The following LDLRAD4 variants were observed in gnomAD, a reference collection of about 807,000 sequenced individuals.
LDLRAD4 encodes the protein low-density lipoprotein receptor class A domain-containing protein 4.
Under a neutral mutation model 17.0 loss-of-function variants are expected in LDLRAD4, and 5 were observed. The ratio of observed to expected loss-of-function variants is 0.29; its 90% CI spans 0.15 to 0.62. The LOEUF (loss-of-function observed/expected upper bound fraction) is 0.62. Ranked by LOEUF, LDLRAD4 falls within the 20% of genes least tolerant of loss-of-function variation. The pLI is 0.84. For synonymous variants in LDLRAD4, 168 were observed against 171.8 expected (o/e 0.98, Z 0.17); for missense variants, 340 against 424.7 (o/e 0.80, Z 1.75).
chr18:13,507,831 A>C (rs368831996), intron 3 of LDLRAD4, among the ~76,000 whole-genome samples: 20 of 152,244 alleles, frequency 1.3e-4, no homozygotes, highest in African/African-American at 4.8e-4. Flanking sequence ...TAATAACCCT[A>C]CCGTGGCCTC....
At chr18:13,394,346 C>A (rs1308254814) in intron 2 of LDLRAD4, among the ~76,000 whole-genome samples, 1 of 152,046 alleles carries the variant, frequency 6.6e-6, no homozygotes, top group Admixed American at 6.5e-5. Flanking sequence ...GTGGTAGTCT[C>A]ATGTCGAGAT....
chr18:13,377,200 G>A (rs1264061549), intron 1 of LDLRAD4, among the ~76,000 whole-genome samples: 2 of 152,194 alleles, frequency 1.3e-5, no homozygotes, highest in South Asian at 2.1e-4. Context: ...TAACATCAAC[G>A]CCAGAGCCAT....
chr18:13,226,180 C>CTTTTTTTTTTTTTTCTTTTTTTTTTTTT (rs2041785610), intron 1 of LDLRAD4, among the ~76,000 whole-genome samples: 1 of 52,188 alleles, frequency 1.9e-5, no homozygotes, highest in African/African-American at 7.8e-5. Context: ...CCATGCCTTG[C>CTTTTTTTTTTTTTTCTTTTTTTTTTTTT]TTTTTTTTTT....
intron 3 of LDLRAD4, chr18:13,612,275 A>T: frequency 2.0e-6 from 2 of 1,004,444 alleles, no homozygotes; most frequent in Non-Finnish European, 2.4e-6. Context: ...TGTGAGGCCA[A>T]ACCTGAGAAG....
At chr18:13,224,413 T>G (rs2041636921) in intron 1 of LDLRAD4, among the ~76,000 whole-genome samples, 1 of 151,954 alleles carries the variant, frequency 6.6e-6, no homozygotes, top group African/African-American at 2.4e-5. Flanking sequence ...CAGCTGTCTC[T>G]TCACTCGGAG....
chr18:13,292,551 G>A (rs1259499779), intron 1 of LDLRAD4, among the ~76,000 whole-genome samples: 1 of 152,188 alleles, frequency 6.6e-6, no homozygotes, highest in Non-Finnish European at 1.5e-5. Context: ...TGCCATTGGG[G>A]TGGGCTTTCT....
At chr18:13,319,825 A>G (rs543735240) in intron 1 of LDLRAD4, among the ~76,000 whole-genome samples, 50 of 152,330 alleles carry the variant, frequency 3.3e-4, no homozygotes, top group African/African-American at 1.2e-3. Context: ...TTTGAGGTCA[A>G]TATTTCCGGG....
chr18:13,576,434 AAAAAAAG>A (rs2094773415), intron 3 of LDLRAD4, among the ~76,000 whole-genome samples: 1 of 143,498 alleles, frequency 7.0e-6, no homozygotes, highest in Non-Finnish European at 1.6e-5. Context: ...AAAAAAAAAA[AAAAAAAG>A]AAAGAAAGAA....
intron 3 of LDLRAD4, among the ~76,000 whole-genome samples, chr18:13,506,519 T>C (rs927679471): frequency 5.9e-5 from 9 of 152,096 alleles, no homozygotes; most frequent in Non-Finnish European, 8.8e-5. Flanking sequence ...ATCACATACA[T>C]TTACCCCTGG....
chr18:13,549,524 G>C (rs1430248867), intron 3 of LDLRAD4, among the ~76,000 whole-genome samples: 2 of 151,888 alleles, frequency 1.3e-5, no homozygotes, highest in Non-Finnish European at 2.9e-5. Flanking sequence ...ATTTTAATGG[G>C]AGAACAGATC....
chr18:13,272,416 C>T (rs781564614), intron 1 of LDLRAD4, among the ~76,000 whole-genome samples: 12 of 152,238 alleles, frequency 7.9e-5, no homozygotes, highest in Non-Finnish European at 1.5e-4. Context: ...TGTTCGTTCC[C>T]GGCAAGCAAA....
chr18:13,303,494 C>G (rs555075666), intron 1 of LDLRAD4, among the ~76,000 whole-genome samples: 1 of 151,876 alleles, frequency 6.6e-6, no homozygotes, highest in Admixed American at 6.6e-5. Flanking sequence ...TCCTTTTCTC[C>G]TTCCTTCTTT....
intron 1 of LDLRAD4, among the ~76,000 whole-genome samples, chr18:13,256,438 C>G (rs2043508658): frequency 6.6e-6 from 1 of 152,204 alleles, no homozygotes. Flanking sequence ...CCCCATCCCC[C>G]CATCAAAATC....
At chr18:13,222,301 G>T (rs534771805) in intron 1 of LDLRAD4, among the ~76,000 whole-genome samples, 27 of 150,196 alleles carry the variant, frequency 1.8e-4, no homozygotes, top group African/African-American at 5.1e-4. Flanking sequence ...TTTGTTGTTG[G>T]TTTTTTTTTC....
At position 13,625,553 on chromosome 18, in the gene LDLRAD4, C is replaced by T. The variant is rs553095971; in HGVS notation, c.336+4282C>T. On this transcript the variant is annotated intron_variant, in intron 4 of 5. Coordinates refer to ENST00000359446, the Ensembl canonical transcript of LDLRAD4. ...CTTCTCTGCTTCTTGCGGAGAGTCC[C>T]GTTCTGAGAAGTGGTGACTGCCCCG... Among the ~76,000 whole-genome samples, 6 of 152,264 alleles carry T rather than the reference C, an allele frequency of 3.9e-5. No individual in the cohort carries two copies. In the South Asian group the frequency reaches 6.2e-4, roughly 16 times the overall value.
chr18:13,481,049 C>T (rs1387736556), intron 3 of LDLRAD4, among the ~76,000 whole-genome samples: 2 of 152,182 alleles, frequency 1.3e-5, no homozygotes, highest in African/African-American at 4.8e-5. Context: ...GTCCTAGGGA[C>T]GGACATGGGG....
intron 1 of LDLRAD4, among the ~76,000 whole-genome samples, chr18:13,239,157 A>T (rs1376965245): frequency 6.8e-6 from 1 of 147,414 alleles, no homozygotes; most frequent in Non-Finnish European, 1.5e-5. Flanking sequence ...ACTGTACTCC[A>T]GCCTGGGCCA....
chr18:13,600,790 A>C (rs1568390320), intron 3 of LDLRAD4, among the ~76,000 whole-genome samples: 1 of 152,314 alleles, frequency 6.6e-6, no homozygotes, highest in Non-Finnish European at 1.5e-5. Context: ...TAAGCTTGTA[A>C]ATTTTTTTAA....
chr18:13,416,587 C>T (rs1002707547), intron 2 of LDLRAD4, among the ~76,000 whole-genome samples: 23 of 152,290 alleles, frequency 1.5e-4, no homozygotes, highest in Non-Finnish European at 1.3e-4. Context: ...CTACTTCTGA[C>T]ATCTGTGTTT....
Sources: allele counts gnomAD v4.1 joint callset (sites outside exome capture counted in the v4.1 genomes callset), GRCh38; gene constraint gnomAD v4.1.1; transcripts MANE v1.5; gene names NCBI Gene and HGNC (gene_info 2026-07-23, HGNC 2026-07-21).